Variants in RGS7BP observed in about 807,000 individuals in gnomAD.
RGS7BP encodes regulator of G protein signaling 7 binding protein.
In RGS7BP, 9 loss-of-function variants were observed where a neutral mutation model predicts 31.3. The ratio of observed to expected loss-of-function variants is 0.29; its 90% confidence interval spans 0.17 to 0.50. The LOEUF is 0.50. RGS7BP is among the 20% of genes least tolerant of loss of function. The probability of loss-of-function intolerance (pLI) is 0.98; values close to 1 mark genes in which losing one functional copy is unlikely to be tolerated. For missense variants in RGS7BP, 274 were observed against 322.0 expected, an observed-to-expected ratio of 0.85 and a Z score of 1.14; for synonymous variants, 115 against 120.1, an observed-to-expected ratio of 0.96 and a Z score of 0.28.
intron 3 of RGS7BP, among the ~76,000 whole-genome samples, chr5:64,581,632 C>A (rs557772940): frequency 6.6e-6 from 1 of 152,326 alleles, no homozygotes; most frequent in Admixed American, 6.5e-5. Flanking sequence ...CTACAAATAA[C>A]TTTAAATCTC....
intron 3 of RGS7BP, among the ~76,000 whole-genome samples, chr5:64,586,438 C>T (rs1742754771): frequency 6.6e-6 from 1 of 152,180 alleles, no homozygotes; most frequent in African/African-American, 2.4e-5. Flanking sequence ...CCTACCTCAC[C>T]CTACCCCTGT....
At position 64,568,780 on chromosome 5, in the gene RGS7BP, TTG is replaced by T. The variant is rs768977460; in HGVS notation, c.333-6992_333-6991del. On this transcript the variant is annotated intron_variant, in intron 2 of 5. Transcript: ENST00000334025. ...TCGAAGGTCAGGGAACTGATGGTTATTGTTTTTTTTTTTTTTTAGTGTTTAAA... is the reference window on the plus strand; with the variant it reads ...TCGAAGGTCAGGGAACTGATGGTTATTTTTTTTTTTTTTTTAGTGTTTAAA... 2.1e-3 allele frequency among the ~76,000 whole-genome samples: 238 copies of T among 115,240 alleles called. 1 individual carries two copies. Among genetic ancestry groups the T allele is most frequent in the African/African-American group, 7.1e-3 (231 of 32,360 alleles). 75.6% of individuals were successfully genotyped at this position (115,240 alleles called of 152,430 possible). A position where few individuals can be genotyped will look rare whatever the true frequency, so the allele number is the denominator to read the frequency against.
At chr5:64,561,362 T>G (rs1742050260) in intron 2 of RGS7BP, among the ~76,000 whole-genome samples, 3 of 152,190 alleles carry the variant, frequency 2.0e-5, no homozygotes, top group Admixed American at 6.5e-5. Flanking sequence ...CTGGGATGAA[T>G]AAACAAACAT....
intron 2 of RGS7BP, among the ~76,000 whole-genome samples, chr5:64,527,039 A>G (rs1342935964): frequency 6.6e-6 from 1 of 152,254 alleles, no homozygotes; most frequent in Non-Finnish European, 1.5e-5. Flanking sequence ...TTCTCTTTCA[A>G]GACCAAATAC....
At chr5:64,604,780 C>T (rs1180510035) in intron 5 of RGS7BP, among the ~76,000 whole-genome samples, 1 of 151,946 alleles carries the variant, frequency 6.6e-6, no homozygotes, top group East Asian at 1.9e-4. Context: ...TTCCTTATCA[C>T]CTATATAAGA....
At chr5:64,537,481 C>T (rs947464273) in intron 2 of RGS7BP, among the ~76,000 whole-genome samples, 140 of 152,118 alleles carry the variant, frequency 9.2e-4, no homozygotes, top group African/African-American at 3.3e-3. Flanking sequence ...GAATTTTTAA[C>T]CACCCAATTA....
intron 2 of RGS7BP, among the ~76,000 whole-genome samples, chr5:64,546,548 G>A: frequency 6.6e-6 from 1 of 152,162 alleles, no homozygotes; most frequent in Non-Finnish European, 1.5e-5. Context: ...TCAGGGAAGG[G>A]AAGAGGACAG....
At chr5:64,568,303 A>T (rs1742218641) in intron 2 of RGS7BP, among the ~76,000 whole-genome samples, 1 of 152,076 alleles carries the variant, frequency 6.6e-6, no homozygotes, top group Non-Finnish European at 1.5e-5. Context: ...ACCTTATAAG[A>T]CTAAGACCTA....
In RGS7BP at chr5:64,609,240, C is replaced by G. The variant is rs370772784; in HGVS notation, c.762C>G (p.Leu254=). 1 of 1,602,360 alleles carries G rather than the reference C, an allele frequency of 6.2e-7. No homozygotes were observed. Among genetic ancestry groups the G allele is most frequent in the Non-Finnish European group, 8.5e-7 (1 of 1,169,724 alleles). The change falls in exon 6 of 6, where the codon CTC becomes CTG. Residue 254 remains leucine, a synonymous_variant. Transcript: ENST00000334025. Reference sequence around the variant, plus strand: ...GAAGGTTCTTTGGGCTGTGTTGTCTCATCTCAAGCTAGGTGGCTCCTCCTG... The same window carrying G: ...GAAGGTTCTTTGGGCTGTGTTGTCTGATCTCAAGCTAGGTGGCTCCTCCTG... ...RKRRFFGLCC[L]ISS is the part of the protein sequence containing the mutation.
rs1322257758 is a variant in RGS7BP, at chr5:64,598,432, C to G, written c.679C>G (p.Gln227Glu). The change falls in exon 5 of 6, where the codon CAA becomes GAA. Residue 227 changes from glutamine to glutamate, a missense_variant. Gln to Glu is a conservative substitution (Grantham distance 29). Transcript: ENST00000334025. ...AACTATGCCTTTACCATTGAAAAAT[C>G]AAGGTGAGTCTTGTCACTTCTCTTT... ...RETMPLPLKN[Q>E]DDSSLLNLTP... 1 of 1,592,022 alleles carries G rather than the reference C, an allele frequency of 6.3e-7. No homozygotes were observed. The highest frequency in any genetic ancestry group is 8.6e-7 in the Non-Finnish European group (1 of 1,160,042).
rs567076841 is a variant in RGS7BP, at chr5:64,603,958, T to C, written c.683-5203T>C. Among the ~76,000 whole-genome samples, 4 of 152,250 alleles carry C rather than the reference T, an allele frequency of 2.6e-5. No homozygotes were observed. The South Asian group carries it at 6.2e-4, about 24-fold the overall frequency. The stretch of plus-strand genomic sequence containing the variant: ...GCAGGAAAAAAAATGTTTAAGCTAA[T>C]CTTTGAAGAAGGGCTTGCCATTTGT... On this transcript the variant is annotated intron_variant, in intron 5 of 5. Transcript: ENST00000334025.
chr5:64,525,500 C>T (rs945974778), intron 2 of RGS7BP, among the ~76,000 whole-genome samples: 6 of 152,246 alleles, frequency 3.9e-5, no homozygotes, highest in Admixed American at 3.3e-4. Context: ...GTGGACCCCA[C>T]TATGACTGTG....
At chr5:64,596,137 C>T (rs1248645595) in intron 4 of RGS7BP, among the ~76,000 whole-genome samples, 1 of 152,170 alleles carries the variant, frequency 6.6e-6, no homozygotes, top group East Asian at 1.9e-4. Flanking sequence ...TAGACAGCAG[C>T]TATATTCACG....
chr5:64,578,146 G>GTCACCTCTTAA, intron 3 of RGS7BP, among the ~76,000 whole-genome samples: 2 of 152,358 alleles, frequency 1.3e-5, no homozygotes, highest in Admixed American at 1.3e-4. Context: ...ATGAAATGCA[G>GTCACCTCTTAA]TCACCTCTTA....
intron 2 of RGS7BP, among the ~76,000 whole-genome samples, chr5:64,524,603 C>T (rs1749185866): frequency 6.6e-6 from 1 of 152,096 alleles, no homozygotes; most frequent in Admixed American, 6.5e-5. Flanking sequence ...ATTGCTAATG[C>T]AATTGAATTT....
At chr5:64,601,239 C>G (rs920052184) in intron 5 of RGS7BP, among the ~76,000 whole-genome samples, 2 of 152,098 alleles carry the variant, frequency 1.3e-5, no homozygotes, top group African/African-American at 2.4e-5. Flanking sequence ...GGAAAAGATA[C>G]CACTCCTGGT....
chr5:64,554,957 G>C (rs1446081059), intron 2 of RGS7BP, among the ~76,000 whole-genome samples: 1 of 151,518 alleles, frequency 6.6e-6, no homozygotes, highest in Admixed American at 6.6e-5. Flanking sequence ...AGCTAAAAAA[G>C]GTAAACTGGA....
At chr5:64,520,567 C>T (rs1190974603) in intron 2 of RGS7BP, among the ~76,000 whole-genome samples, 2 of 152,210 alleles carry the variant, frequency 1.3e-5, no homozygotes, top group Non-Finnish European at 2.9e-5. Flanking sequence ...ACTCACATCG[C>T]TTCATTTGGG....
intron 4 of RGS7BP, 89 bp from the exon 5 acceptor site, chr5:64,598,276 A>G (rs1743127837): frequency 2.6e-6 from 2 of 776,912 alleles, no homozygotes; most frequent in Non-Finnish European, 4.6e-6. Flanking sequence ...ACAGACCCTC[A>G]TCTTTCAGTT....
Sources: gnomAD v4.1 joint callset for allele counts (sites outside exome capture counted in the v4.1 genomes callset) on GRCh38, gnomAD v4.1.1 for gene constraint, MANE v1.5 for transcripts, NCBI Gene and HGNC (gene_info 2026-07-23, HGNC 2026-07-21) for gene names.